The following KCNH7 variants were observed in gnomAD, a reference collection of about 807,000 sequenced individuals.
KCNH7 encodes voltage-gated inwardly rectifying potassium channel KCNH7.
Under a neutral mutation model 120.8 loss-of-function variants are expected in KCNH7, and 49 were observed. That is an observed-to-expected ratio of 0.41 (90% confidence interval 0.32 to 0.51). The LOEUF is 0.51. Ranked by LOEUF, KCNH7 falls within the 20% of genes least tolerant of loss-of-function variation. The pLI is 0.38. For missense variants in KCNH7, 1,097 were observed against 1,446.6 expected, an observed-to-expected ratio of 0.76 and a Z score of 3.92; for synonymous variants, 547 against 516.1, an observed-to-expected ratio of 1.06 and a Z score of -0.81.
intron 12 of KCNH7, among the ~76,000 whole-genome samples, chr2:162,393,428 T>C (rs1416057797): frequency 6.6e-6 from 1 of 151,860 alleles, no homozygotes; most frequent in African/African-American, 2.4e-5. Context: ...GAGTATGATA[T>C]AGAACAAGAA....
At chr2:162,716,564 T>C (rs1334799724) in intron 2 of KCNH7, among the ~76,000 whole-genome samples, 1 of 152,184 alleles carries the variant, frequency 6.6e-6, no homozygotes, top group African/African-American at 2.4e-5. Flanking sequence ...TTTATCCAGC[T>C]AATATAGTAT....
At chr2:162,676,085 T>A (rs1018572209) in intron 2 of KCNH7, among the ~76,000 whole-genome samples, 1 of 151,466 alleles carries the variant, frequency 6.6e-6, no homozygotes, top group Non-Finnish European at 1.5e-5. Flanking sequence ...TTAACTCTCA[T>A]GTCCTTTCCT....
At chr2:162,770,089 G>T (rs1394402842) in intron 2 of KCNH7, among the ~76,000 whole-genome samples, 4 of 151,980 alleles carry the variant, frequency 2.6e-5, no homozygotes, top group Non-Finnish European at 5.9e-5. Context: ...TTTGGAAACT[G>T]CAGCTATTCA....
intron 2 of KCNH7, among the ~76,000 whole-genome samples, chr2:162,791,638 G>C (rs983933221): frequency 6.6e-6 from 1 of 152,030 alleles, no homozygotes; most frequent in African/African-American, 2.4e-5. Flanking sequence ...TTTGTATCCC[G>C]AGACCTTGCT....
At chr2:162,792,762 GGTGTGTGTGTGTGTGTGTGTGT>G (rs59397474) in intron 2 of KCNH7, among the ~76,000 whole-genome samples, 5 of 124,936 alleles carry the variant, frequency 4.0e-5, no homozygotes, top group African/African-American at 1.2e-4. Flanking sequence ...TCTTTTGAAT[GGTGTGTGTGTGTGTGTGTGTGT>G]GTGTGTGTGT....
chr2:162,470,116 A>G (rs10930051), intron 6 of KCNH7, among the ~76,000 whole-genome samples: 11,134 of 151,742 alleles, frequency 0.073, 1,299 homozygotes, highest in African/African-American at 0.25. Context: ...TGCAGCCTCT[A>G]CCCGGCCGCC....
chr2:162,396,698 A>C (rs774065042), intron 11 of KCNH7, 42 bp downstream of exon 11: 1 of 1,391,366 alleles, frequency 7.2e-7, no homozygotes, highest in East Asian at 2.3e-5. Flanking sequence ...GAATAAAATA[A>C]AATGTCAGAA....
At chr2:162,384,598 C>T in intron 13 of KCNH7, 90 bp downstream of exon 13, 1 of 1,195,658 alleles carries the variant, frequency 8.4e-7, no homozygotes, top group Non-Finnish European at 1.2e-6. Context: ...ATTAGATTAA[C>T]ATGTGTCAGT....
intron 2 of KCNH7, among the ~76,000 whole-genome samples, chr2:162,777,300 C>A (rs1341255645): frequency 6.6e-6 from 1 of 152,138 alleles, no homozygotes; most frequent in African/African-American, 2.4e-5. Flanking sequence ...TTCACATCAT[C>A]TCTACATTAC....
chr2:162,722,802 ATTCT>A (rs1687364780), intron 2 of KCNH7, among the ~76,000 whole-genome samples: 1 of 78,404 alleles, frequency 1.3e-5, no homozygotes, highest in Non-Finnish European at 2.3e-5. Flanking sequence ...CTTTTCATTC[ATTCT>A]TTTTTTCTTT....
intron 2 of KCNH7, among the ~76,000 whole-genome samples, chr2:162,651,861 A>G (rs544693137): frequency 6.0e-4 from 92 of 152,288 alleles, no homozygotes; most frequent in African/African-American, 2.0e-3. Flanking sequence ...CCTCACCAGC[A>G]TCTGCTATTT....
intron 2 of KCNH7, among the ~76,000 whole-genome samples, chr2:162,578,339 C>T (rs182524492): frequency 1.1e-3 from 163 of 152,142 alleles, no homozygotes; most frequent in African/African-American, 3.8e-3. Flanking sequence ...TTGTGCTTTA[C>T]GGCTTTCAAA....
At chr2:162,789,933 C>T (rs974466677) in intron 2 of KCNH7, among the ~76,000 whole-genome samples, 1 of 151,446 alleles carries the variant, frequency 6.6e-6, no homozygotes, top group Non-Finnish European at 1.5e-5. Context: ...CCTTAAGGAA[C>T]TAGAAGAAAA....
chr2:162,737,639 A>C (rs1687963119), intron 2 of KCNH7, among the ~76,000 whole-genome samples: 1 of 152,214 alleles, frequency 6.6e-6, no homozygotes, highest in African/African-American at 2.4e-5. Context: ...AGACAAAAAT[A>C]ATAATGTTCA....
intron 2 of KCNH7, among the ~76,000 whole-genome samples, chr2:162,717,285 T>A (rs375370746): frequency 6.6e-6 from 1 of 152,174 alleles, no homozygotes; most frequent in Non-Finnish European, 1.5e-5. Context: ...GAGACATTAC[T>A]ACTGCTTTCC....
chr2:162,709,167 GTGATAAT>G (rs1686831139), intron 2 of KCNH7, among the ~76,000 whole-genome samples: 1 of 151,984 alleles, frequency 6.6e-6, no homozygotes, highest in African/African-American at 2.4e-5. Flanking sequence ...TAGGTTTATC[GTGATAAT>G]TAAATAAAGT....
chr2:162,372,708 T>C (rs963758895), intron 15 of KCNH7, among the ~76,000 whole-genome samples: 2 of 152,140 alleles, frequency 1.3e-5, no homozygotes, highest in African/African-American at 4.8e-5. Context: ...TCTAAAAAAG[T>C]TTTATGAGAT....
intron 9 of KCNH7, among the ~76,000 whole-genome samples, chr2:162,414,164 T>G (rs565509252): frequency 6.6e-6 from 1 of 152,104 alleles, no homozygotes; most frequent in East Asian, 1.9e-4. Flanking sequence ...ACATTGTTAA[T>G]AGAAATGTAA....
At chr2:162,457,081 A>C (rs546931294) in intron 6 of KCNH7, among the ~76,000 whole-genome samples, 1 of 152,136 alleles carries the variant, frequency 6.6e-6, no homozygotes, top group Non-Finnish European at 1.5e-5. Context: ...GAAAGTCACA[A>C]ATAAGTTAAA....
Sources: gnomAD v4.1 joint callset for allele counts (sites outside exome capture counted in the v4.1 genomes callset) on GRCh38, gnomAD v4.1.1 for gene constraint, MANE v1.5 for transcripts, NCBI Gene and HGNC (gene_info 2026-07-23, HGNC 2026-07-21) for gene names.